STXBP6: variants seen among roughly 807,000 people sequenced by gnomAD.
The protein encoded by STXBP6 is syntaxin binding protein 6, also known as syntaxin-binding protein 6.
Under a neutral mutation model 26.9 loss-of-function variants are expected in STXBP6, and 21 were observed. That is an observed-to-expected ratio of 0.78 (90% CI 0.55 to 1.12). The LOEUF is 1.12. Among genes scored for constraint, STXBP6 ranks in the 50% most tolerant of loss-of-function variants. STXBP6 has a pLI of 0.00. For missense variants in STXBP6, 232 were observed against 257.9 expected (o/e 0.90, Z 0.69); for synonymous variants, 97 against 92.6 (o/e 1.05, Z -0.27).
chr14:24,973,379 CTTTTTTTT>C (rs1057437135), intron 2 of STXBP6, among the ~76,000 whole-genome samples: 3 of 76,810 alleles, frequency 3.9e-5, no homozygotes, highest in East Asian at 4.3e-4. Flanking sequence ...AGCTTTCTTC[CTTTTTTTT>C]TTTTTTTTTT....
chr14:24,829,684 A>AC (rs1286872512), intron 4 of STXBP6, among the ~76,000 whole-genome samples: 1 of 144,368 alleles, frequency 6.9e-6, no homozygotes, highest in Non-Finnish European at 1.5e-5. Flanking sequence ...TCATTGAACT[A>AC]TTTTTTTTTT....
At chr14:24,948,608 G>A (rs1852464262) in intron 2 of STXBP6, among the ~76,000 whole-genome samples, 1 of 152,012 alleles carries the variant, frequency 6.6e-6, no homozygotes, top group South Asian at 2.1e-4. Context: ...ATGAGCACAT[G>A]GAGCAAGCAC....
intron 2 of STXBP6, among the ~76,000 whole-genome samples, chr14:24,863,484 T>A (rs1478731767): frequency 6.6e-6 from 1 of 152,134 alleles, no homozygotes; most frequent in Non-Finnish European, 1.5e-5. Context: ...AGTTTTAAGG[T>A]ATTTGAACAT....
In STXBP6 at chr14:24,952,544, T is replaced by C. The variant is rs182491951; in HGVS notation, c.154+22121A>G. Among the ~76,000 whole-genome samples, 44 of 152,326 alleles carry C rather than the reference T, an allele frequency of 2.9e-4. No homozygotes were observed. In the East Asian group the frequency reaches 8.3e-3, roughly 29 times the overall value. ...AACTAAATTTTTGAAGGGGCAGAAT[T>C]ATAGCCATTCATTCTCTGCAATCAG... is the stretch of plus-strand genomic sequence containing the variant. On this transcript the variant is annotated intron_variant, in intron 2 of 5. Transcript: ENST00000323944.
intron 2 of STXBP6, among the ~76,000 whole-genome samples, chr14:24,902,659 T>A (rs539430098): frequency 6.6e-6 from 1 of 152,182 alleles, no homozygotes; most frequent in Non-Finnish European, 1.5e-5. Flanking sequence ...TCTCTTTCTT[T>A]CCATTAGTTT....
chr14:25,020,687 A>G (rs964394439), intron 1 of STXBP6, among the ~76,000 whole-genome samples: 6 of 152,136 alleles, frequency 3.9e-5, no homozygotes. Context: ...TTCCTTATTA[A>G]AATCCTTCAC....
chr14:24,996,912 A>C (rs2074620054), intron 1 of STXBP6, among the ~76,000 whole-genome samples: 2 of 151,304 alleles, frequency 1.3e-5, no homozygotes. Context: ...GGGAGAGGGA[A>C]ATTTTGGTAC....
intron 2 of STXBP6, among the ~76,000 whole-genome samples, chr14:24,939,952 G>A (rs2072744579): frequency 6.6e-6 from 1 of 152,214 alleles, no homozygotes; most frequent in Non-Finnish European, 1.5e-5. Flanking sequence ...CTGAGTCCCA[G>A]TCCATATCCT....
At chr14:24,994,865 T>G (rs1333437884) in intron 1 of STXBP6, 3 of 151,722 alleles carry the variant, frequency 2.0e-5, no homozygotes, top group African/African-American at 7.3e-5. Flanking sequence ...GAAAATTACC[T>G]GGGTGTGGTG....
At chr14:24,857,259 T>A in intron 2 of STXBP6, 102 bp from the exon 3 acceptor site, 1 of 1,468,796 alleles carries the variant, frequency 6.8e-7, no homozygotes, top group Non-Finnish European at 9.3e-7. Flanking sequence ...ATATGCACAA[T>A]AACAGAGAGA....
chr14:24,860,966 T>C (rs1462157784), intron 2 of STXBP6, among the ~76,000 whole-genome samples: 1 of 151,296 alleles, frequency 6.6e-6, no homozygotes, highest in Non-Finnish European at 1.5e-5. Flanking sequence ...AACATCTTTT[T>C]ACACATTTTT....
At chr14:25,031,480 T>C (rs1291612465) in intron 1 of STXBP6, among the ~76,000 whole-genome samples, 1 of 152,158 alleles carries the variant, frequency 6.6e-6, no homozygotes, top group Non-Finnish European at 1.5e-5. Flanking sequence ...TCAAAAACAA[T>C]TGATATTGCA....
intron 2 of STXBP6, among the ~76,000 whole-genome samples, chr14:24,871,353 T>A (rs1595008212): frequency 6.6e-6 from 1 of 152,200 alleles, no homozygotes; most frequent in East Asian, 1.9e-4. Context: ...GGGTGATAGG[T>A]TGTTGGAAGT....
intron 1 of STXBP6, among the ~76,000 whole-genome samples, chr14:25,027,912 T>C (rs777231262): frequency 9.9e-5 from 15 of 152,234 alleles, no homozygotes; most frequent in Non-Finnish European, 2.9e-5. Flanking sequence ...AGCTACAGCA[T>C]TCCCTTAAGC....
chr14:25,044,914 A>G (rs1595366501), intron 1 of STXBP6, among the ~76,000 whole-genome samples: 2 of 152,200 alleles, frequency 1.3e-5, no homozygotes, highest in African/African-American at 4.8e-5. Flanking sequence ...AAAGAGTGCT[A>G]CCCACCATTT....
intron 2 of STXBP6, among the ~76,000 whole-genome samples, chr14:24,932,405 G>T (rs2072449898): frequency 6.6e-6 from 1 of 152,110 alleles, no homozygotes; most frequent in Non-Finnish European, 1.5e-5. Flanking sequence ...TGCCTATGTT[G>T]GGCCATTCAG....
intron 1 of STXBP6, among the ~76,000 whole-genome samples, chr14:25,012,512 A>C (rs929686351): frequency 1.3e-5 from 2 of 152,154 alleles, no homozygotes; most frequent in Non-Finnish European, 2.9e-5. Context: ...AGGAATCACA[A>C]TCACTTGAAC....
chr14:24,877,728 T>C lies in STXBP6; in HGVS notation c.155-20571A>G, dbSNP rs190696045. On this transcript the variant is annotated intron_variant, in intron 2 of 5. Transcript: ENST00000323944. The stretch of plus-strand genomic sequence containing the variant: ...TCTAATCTTTTACTATTGCAAACAA[T>C]GCTGCATAAATAATTTTGCAAGTAT... Among the ~76,000 whole-genome samples the C allele has an allele frequency of 7.0e-3, 1,064 of 152,322 alleles. 9 individuals are homozygous for C. The highest frequency in any genetic ancestry group is 0.011 in the Non-Finnish European group (717 of 68,016).
At chr14:24,852,929 T>A (rs1053386609) in intron 4 of STXBP6, among the ~76,000 whole-genome samples, 1 of 152,148 alleles carries the variant, frequency 6.6e-6, no homozygotes, top group African/African-American at 2.4e-5. Flanking sequence ...ACTAGTTATA[T>A]GACCCTTGGC....
Sources: allele counts gnomAD v4.1 joint callset (sites outside exome capture counted in the v4.1 genomes callset), GRCh38; gene constraint gnomAD v4.1.1; transcripts MANE v1.5; gene names NCBI Gene and HGNC (gene_info 2026-07-23, HGNC 2026-07-21).